The following VDAC3 variants were observed in gnomAD, a reference collection of about 807,000 sequenced individuals.
VDAC3 encodes the protein voltage dependent anion channel 3.
Under a neutral mutation model 33.9 loss-of-function variants are expected in VDAC3, and 7 were observed. The observed-to-expected ratio is 0.21, with a 90% CI of 0.12 to 0.39. The LOEUF (loss-of-function observed/expected upper bound fraction) is 0.39, where lower values mean the gene tolerates loss of function less well. Ranked by LOEUF, VDAC3 falls within the 10% of genes least tolerant of loss-of-function variation. The pLI, the probability that VDAC3 is intolerant of heterozygous loss-of-function variation, is 1.00. For synonymous variants in VDAC3, 100 were observed against 122.4 expected, an observed-to-expected ratio of 0.82 and a Z score of 1.21; for missense variants, 261 against 334.5, an observed-to-expected ratio of 0.78 and a Z score of 1.71.
At chr8:42,401,450 C>CGGGAT (rs1802413597) in intron 6 of VDAC3, among the ~76,000 whole-genome samples, 1 of 152,252 alleles carries the variant, frequency 6.6e-6, no homozygotes, top group South Asian at 2.1e-4. Context: ...CCACCTTGGC[C>CGGGAT]TCCCAAAGTG....
At chr8:42,396,484 T>A (rs1045480120) in intron 4 of VDAC3, among the ~76,000 whole-genome samples, 1 of 152,206 alleles carries the variant, frequency 6.6e-6, no homozygotes, top group Admixed American at 6.5e-5. Flanking sequence ...CCTGGGTTTC[T>A]CTGGAGTAAA....
At chr8:42,402,207 C>T in intron 7 of VDAC3, 192 bp downstream of exon 7, 1 of 637,136 alleles carries the variant, frequency 1.6e-6, no homozygotes, top group Non-Finnish European at 2.7e-6. Context: ...TGCTGGTGGT[C>T]ACTGGCCCCT....
intron 9 of VDAC3, 151 bp from the exon 10 acceptor site, chr8:42,405,220 G>C (rs899832159): frequency 7.2e-5 from 49 of 682,140 alleles, no homozygotes; most frequent in Non-Finnish European, 1.2e-4. Flanking sequence ...ACATCAGATA[G>C]TTATAAATAA....
chr8:42,403,361 A>G lies in VDAC3; in HGVS notation c.602A>G (p.Lys201Arg). ...TCTATCTACCAGAAGGTGAATGAGA[A>G]GATTGAAACATCCATAAACCTTGCT... ...GGSIYQKVNE[K>R]IETSINLAWT... The change falls in exon 8 of 10, where the codon AAG becomes AGG. Residue 201 changes from lysine (K) to arginine (R), a missense_variant. Lys to Arg is a conservative substitution (Grantham distance 26). Transcript: ENST00000022615. 6.2e-7 allele frequency: 1 copy of G among 1,613,980 alleles called. No individual in the cohort carries two copies. Among genetic ancestry groups the G allele is most frequent in the Admixed American group, 1.7e-5 (1 of 59,962 alleles).
At chr8:42,404,812 T>C in intron 8 of VDAC3, 55 bp from the exon 9 acceptor site, 1 of 1,489,412 alleles carries the variant, frequency 6.7e-7, no homozygotes, top group South Asian at 1.1e-5. Context: ...GATGGTTATA[T>C]TGGACTGATC....
intron 5 of VDAC3, among the ~76,000 whole-genome samples, chr8:42,399,274 A>G (rs772235355): frequency 3.3e-5 from 5 of 152,206 alleles, no homozygotes; most frequent in Admixed American, 6.5e-5. Flanking sequence ...TAGAGATACC[A>G]TGTATAGATA....
chr8:42,398,592 G>T, intron 4 of VDAC3, 120 bp from the exon 5 acceptor site: 1 of 1,074,262 alleles, frequency 9.3e-7, no homozygotes, highest in South Asian at 1.7e-5. Flanking sequence ...TTGCTCTAGA[G>T]TAGGGCTGTG....
At chr8:42,398,987 G>C in intron 5 of VDAC3, 123 bp downstream of exon 5, 1 of 1,118,060 alleles carries the variant, frequency 8.9e-7, no homozygotes, top group Non-Finnish European at 1.2e-6. Context: ...TTTTTTCTCT[G>C]CATGTGGCCT....
rs1802481588 is a variant in VDAC3, at chr8:42,405,380, T to G, written c.770T>G (p.Leu257Trp). The G allele has an allele frequency of 6.2e-7, 1 of 1,613,022 alleles. No individual in the cohort carries two copies. The highest frequency in any genetic ancestry group is 8.5e-7 in the Non-Finnish European group (1 of 1,179,842). The change falls in exon 10 of 10, where the codon TTG (leucine) becomes TGG (tryptophan). Residue 257 changes from leucine to tryptophan, a missense_variant. Physicochemically the swap from Leu to Trp is moderately conservative, Grantham distance 61. Transcript: ENST00000022615. Reference protein sequence around the residue: ...YTQTLRPGVKLTLSALIDGKN... With the variant: ...YTQTLRPGVKWTLSALIDGKN... ...GTTTTCTTCTTCCTAGGAGTCAAAT[T>G]GACTTTATCAGCTTTAATCGATGGG...
At chr8:42,398,285 T>G (rs1802352796) in intron 4 of VDAC3, among the ~76,000 whole-genome samples, 1 of 152,338 alleles carries the variant, frequency 6.6e-6, no homozygotes, top group African/African-American at 2.4e-5. Context: ...TTGAGCTGTC[T>G]CACTCCGTTG....
chr8:42,400,761 G>T (rs954558142), intron 6 of VDAC3, among the ~76,000 whole-genome samples: 2 of 146,816 alleles, frequency 1.4e-5, no homozygotes, highest in African/African-American at 5.2e-5. Flanking sequence ...TGCCTCCTGG[G>T]TTCAAGCAAT....
intron 5 of VDAC3, 41 bp downstream of exon 5, chr8:42,398,905 T>C (rs1382021997): frequency 1.9e-6 from 3 of 1,600,208 alleles, no homozygotes; most frequent in Non-Finnish European, 2.6e-6. Flanking sequence ...GTTCAATTTA[T>C]CTTGTAGATT....
rs997576746 is a variant in VDAC3, at chr8:42,391,902, G to C, written c.-69G>C. ...GAAGACCTTCAGCGTTGCCCTGGCG[G>C]AGCAGAGACAGGCCCTCGGGGTGGA... On this transcript the variant is annotated 5_prime_UTR_variant, in exon 1 of 10. Transcript: ENST00000022615. 5.9e-5 allele frequency: 9 copies of C among 152,332 alleles called. No individual in the cohort carries two copies. Among genetic ancestry groups the C allele is most frequent in the Non-Finnish European group, 2.9e-5 (2 of 68,176 alleles). 9.4% of individuals were successfully genotyped at this position (152,332 alleles called of 1,614,324 possible). A position where few individuals can be genotyped will look rare whatever the true frequency, so the allele number is the denominator to read the frequency against.
In VDAC3 at chr8:42,405,381, G is replaced by T; in HGVS notation, c.771G>T (p.Leu257Phe). The change falls in exon 10 of 10, where the codon TTG (leucine) becomes TTT (phenylalanine). Residue 257 changes from leucine to phenylalanine, a missense_variant. By Grantham distance (22) the Leu-to-Phe change is conservative (BLOSUM62 0). Transcript: ENST00000022615. ...YTQTLRPGVK[L>F]TLSALIDGKN... ...TTTTCTTCTTCCTAGGAGTCAAATT[G>T]ACTTTATCAGCTTTAATCGATGGGA... 1.2e-6 allele frequency: 2 copies of T among 1,613,032 alleles called. No individual in the cohort carries two copies. Among genetic ancestry groups the T allele is most frequent in the South Asian group, 1.1e-5 (1 of 90,928 alleles).
At position 42,403,341 on chromosome 8, in the gene VDAC3, C is replaced by T. The variant is rs34289751; in HGVS notation, c.582C>T (p.Ile194=). The T allele has an allele frequency of 8.1e-6, 13 of 1,613,934 alleles. No homozygotes were observed. Among genetic ancestry groups the T allele is most frequent in the South Asian group, 2.2e-5 (2 of 91,022 alleles). The change falls in exon 8 of 10, where the codon ATC becomes ATT. Residue 194 remains isoleucine, a synonymous_variant. Transcript: ENST00000022615. ...VNDGTEFGGS[I]YQKVNEKIET... Reference sequence around the variant, plus strand: ...ATGGCACTGAATTTGGAGGTTCTATCTACCAGAAGGTGAATGAGAAGATTG... The same window carrying T: ...ATGGCACTGAATTTGGAGGTTCTATTTACCAGAAGGTGAATGAGAAGATTG...
At chr8:42,401,698 A>G in intron 6 of VDAC3, 90 bp from the exon 7 acceptor site, 1 of 1,131,952 alleles carries the variant, frequency 8.8e-7, no homozygotes, top group Non-Finnish European at 1.3e-6. Flanking sequence ...TTGGGAGATG[A>G]GAGAGAGGAT....
intron 1 of VDAC3, 61 bp from the exon 2 acceptor site, chr8:42,393,784 G>C: frequency 2.5e-6 from 1 of 404,914 alleles, no homozygotes; most frequent in Admixed American, 4.1e-5. Context: ...TGTTAACCCT[G>C]AGGATTTTGA....
intron 3 of VDAC3, 95 bp downstream of exon 3, chr8:42,394,373 C>T (rs944456023): frequency 9.4e-7 from 1 of 1,058,212 alleles, no homozygotes; most frequent in African/African-American, 1.6e-5. Flanking sequence ...AAGGGTAAGT[C>T]AGCATTATTC....
rs771818612 is a variant in VDAC3 at position 42,401,790 on chromosome 8, A to G, written c.326A>G (p.Lys109Arg). The part of the protein sequence containing the change: ...LDTIFVPNTG[K>R]KSGKLKASYK... ...TTTTGTTTGTTTGTTTATTGCAGAA[A>G]GAAGAGTGGGAAATTGAAGGCCTCC... The change falls in exon 7 of 10, where the codon AAG (lysine) becomes AGG (arginine). Residue 109 changes from lysine to arginine, a missense_variant and splice_region_variant. By Grantham distance (26) the Lys-to-Arg change is conservative. Coordinates refer to ENST00000022615, the MANE Select transcript of VDAC3 (RefSeq NM_005662.7). The G allele has an allele frequency of 1.2e-6, 2 of 1,613,992 alleles. No individual in the cohort carries two copies. Among genetic ancestry groups the G allele is most frequent in the South Asian group, 1.1e-5 (1 of 91,082 alleles).
Sources: allele counts gnomAD v4.1 joint callset (sites outside exome capture counted in the v4.1 genomes callset), GRCh38; gene constraint gnomAD v4.1.1; transcripts MANE v1.5; gene names NCBI Gene and HGNC (gene_info 2026-07-23, HGNC 2026-07-21).